UTRN: variants seen among roughly 807,000 people sequenced by gnomAD.
The protein encoded by UTRN is dystrophin-related protein 1.
In UTRN, 283 loss-of-function variants were observed where a neutral mutation model predicts 463.9. The observed-to-expected ratio is 0.61, with a 90% confidence interval of 0.55 to 0.67. The LOEUF (loss-of-function observed/expected upper bound fraction) is 0.67. UTRN is among the 30% of genes least tolerant of loss of function. The pLI is 0.00. For missense variants in UTRN, 3,922 were observed against 4,084.3 expected, an observed-to-expected ratio of 0.96 and a Z score of 1.08; for synonymous variants, 1,442 against 1,431.5, an observed-to-expected ratio of 1.01 and a Z score of -0.17.
chr6:144,721,381 G>A (rs1787146540), intron 53 of UTRN, among the ~76,000 whole-genome samples: 1 of 152,222 alleles, frequency 6.6e-6, no homozygotes, highest in Middle Eastern at 3.4e-3. Context: ...GCTAATTTTT[G>A]TTGTTGTTAT....
chr6:144,571,544 G>A (rs369164333), intron 50 of UTRN, among the ~76,000 whole-genome samples: 13 of 152,252 alleles, frequency 8.5e-5, no homozygotes, highest in African/African-American at 3.1e-4. Context: ...GAAATTGTCT[G>A]CTGATATCCT....
chr6:144,403,244 T>C (rs1562348610), intron 3 of UTRN, 60 bp downstream of exon 3: 31 of 1,480,678 alleles, frequency 2.1e-5, no homozygotes, highest in Non-Finnish European at 2.3e-5. Context: ...TGAAGGAGTT[T>C]GGTTGGAAGT....
chr6:144,603,208 A>G (rs1285654380), intron 51 of UTRN, among the ~76,000 whole-genome samples: 1 of 152,148 alleles, frequency 6.6e-6, no homozygotes, highest in Non-Finnish European at 1.5e-5. Context: ...TTCTGGACAA[A>G]TAGCTTTCTG....
intron 65 of UTRN, among the ~76,000 whole-genome samples, chr6:144,815,199 A>C (rs1778971466): frequency 6.6e-6 from 1 of 152,228 alleles, no homozygotes; most frequent in African/African-American, 2.4e-5. Context: ...TCTTTGGAAA[A>C]TAATAGGAAA....
chr6:144,838,556 C>G (rs942975388), intron 71 of UTRN, among the ~76,000 whole-genome samples: 11 of 152,148 alleles, frequency 7.2e-5, no homozygotes, highest in Admixed American at 7.2e-4. Flanking sequence ...AGTGCCTTTA[C>G]GAAGTATTTA....
chr6:144,568,113 C>T (rs909140648), intron 50 of UTRN, among the ~76,000 whole-genome samples: 1 of 152,088 alleles, frequency 6.6e-6, no homozygotes, highest in Non-Finnish European at 1.5e-5. Context: ...CTTCCCTTTA[C>T]TGTAAAGTGT....
At chr6:144,567,878 T>A (rs1800548718) in intron 50 of UTRN, among the ~76,000 whole-genome samples, 1 of 152,198 alleles carries the variant, frequency 6.6e-6, no homozygotes, top group Non-Finnish European at 1.5e-5. Context: ...CATGTTCAAA[T>A]ACTCTTTTGA....
At chr6:144,538,619 G>A (rs1437697423) in intron 44 of UTRN, among the ~76,000 whole-genome samples, 3 of 149,860 alleles carry the variant, frequency 2.0e-5, no homozygotes, top group African/African-American at 7.4e-5. Flanking sequence ...GCAGTGAGCC[G>A]AGATCGTGCC....
rs952887469 is a variant in UTRN at position 144,321,531 on chromosome 6, G to A, written c.79+29624G>A. Among the ~76,000 whole-genome samples the A allele has an allele frequency of 1.3e-4, 19 of 147,386 alleles. 2 individuals are homozygous for A. Among genetic ancestry groups the A allele is most frequent in the Admixed American group, 5.5e-4 (8 of 14,442 alleles). On this transcript the variant is annotated intron_variant, in intron 2 of 74. Transcript: ENST00000367545. ...GTCATCCAGGCTGGAGTGCAGTGGC[G>A]TGATCTCGGCTCACTGCAGCCTCTC...
chr6:144,725,086 C>T (rs548490321), intron 53 of UTRN, among the ~76,000 whole-genome samples: 1 of 152,130 alleles, frequency 6.6e-6, no homozygotes, highest in Non-Finnish European at 1.5e-5. Flanking sequence ...TGTAATAATC[C>T]CCGCATGTCA....
At chr6:144,505,380 G>A (rs1794610546) in intron 34 of UTRN, among the ~76,000 whole-genome samples, 1 of 152,272 alleles carries the variant, frequency 6.6e-6, no homozygotes, top group South Asian at 2.1e-4. Flanking sequence ...GCTTTCTCAT[G>A]TGGGCAGTTA....
At chr6:144,521,731 T>A (rs1796109798) in intron 39 of UTRN, among the ~76,000 whole-genome samples, 1 of 152,092 alleles carries the variant, frequency 6.6e-6, no homozygotes, top group South Asian at 2.1e-4. Context: ...GGCATAGATC[T>A]TAAAGCCTGT....
chr6:144,770,381 C>T (rs1325978381), intron 58 of UTRN, among the ~76,000 whole-genome samples: 4 of 152,098 alleles, frequency 2.6e-5, no homozygotes, highest in African/African-American at 7.2e-5. Flanking sequence ...TGATATATTA[C>T]ATAGGCTTGA....
chr6:144,584,788 CTTAA>C (rs941993991), intron 51 of UTRN, among the ~76,000 whole-genome samples: 32 of 151,846 alleles, frequency 2.1e-4, no homozygotes, highest in African/African-American at 7.7e-4. Context: ...CTTAATGGAG[CTTAA>C]TTAATTCAGT....
In UTRN at chr6:144,521,949, A is replaced by AT. The variant is rs777648080; in HGVS notation, c.5542-30dup. ...GGTATTTTAAGAGATATATATATATATATATATTTTTTTTTTTGCTGTTTT... is the reference window on the plus strand; with the variant it reads ...GGTATTTTAAGAGATATATATATATATTATATATTTTTTTTTTTGCTGTTTT... On this transcript the variant is annotated intron_variant, in intron 39 of 74. Coordinates refer to ENST00000367545, the MANE Select transcript of UTRN (RefSeq NM_007124.3). 2,998 of 1,212,408 alleles carry AT rather than the reference A, an allele frequency of 2.5e-3. 49 individuals carry two copies. The African/African-American group carries it at 0.048, about 19-fold the overall frequency. The allele number at this position is 1,212,408 out of a possible 1,614,324, so 75.1% of individuals were successfully genotyped here.
Position 144,488,809 on chromosome 6 carries a change from C to T in UTRN, c.4109C>T (p.Ala1370Val), listed in dbSNP as rs1329484055. The T allele has an allele frequency of 2.5e-6, 4 of 1,600,064 alleles. No individual in the cohort carries two copies. Among genetic ancestry groups the T allele is most frequent in the Middle Eastern group, 1.7e-4 (1 of 6,024 alleles). ...LTTYLTDRID[A>V]FQVPQEAQKI... ...ACATACCTGACTGACAGGATAGATGCTTTCCAAGTTCCACAGGAAGCTCAG... is the reference window on the plus strand; with the variant it reads ...ACATACCTGACTGACAGGATAGATGTTTTCCAAGTTCCACAGGAAGCTCAG... Residue 1370 changes from alanine to valine, a missense_variant, in exon 30 of 75, where the codon GCT becomes GTT. Transcript: ENST00000367545.
intron 2 of UTRN, among the ~76,000 whole-genome samples, chr6:144,391,245 G>C (rs1421200155): frequency 6.6e-6 from 1 of 151,716 alleles, no homozygotes; most frequent in Non-Finnish European, 1.5e-5. Flanking sequence ...ACACTTTTTT[G>C]ATTTTTTGTA....
At chr6:144,628,032 C>T (rs1482285705) in intron 51 of UTRN, among the ~76,000 whole-genome samples, 1 of 152,102 alleles carries the variant, frequency 6.6e-6, no homozygotes, top group Non-Finnish European at 1.5e-5. Context: ...AACTCCTGAC[C>T]TCGTGATCCA....
chr6:144,772,322 G>T (rs1321050994), intron 59 of UTRN, among the ~76,000 whole-genome samples: 2 of 152,034 alleles, frequency 1.3e-5, no homozygotes, highest in Non-Finnish European at 2.9e-5. Context: ...ACTGTGCCCG[G>T]CCGAGAACTG....
Sources: allele counts gnomAD v4.1 joint callset (sites outside exome capture counted in the v4.1 genomes callset), GRCh38; gene constraint gnomAD v4.1.1; transcripts MANE v1.5; gene names NCBI Gene and HGNC (gene_info 2026-07-23, HGNC 2026-07-21).